Variants in ATP1A2 observed in about 807,000 individuals in gnomAD.
ATP1A2 encodes the protein sodium/potassium-transporting ATPase subunit alpha-2.
In ATP1A2, 56 loss-of-function variants were observed where a neutral mutation model predicts 113.1. That is an observed-to-expected ratio of 0.49 (90% CI 0.40 to 0.62). The LOEUF (loss-of-function observed/expected upper bound fraction) is 0.62, where lower values mean the gene tolerates loss of function less well. Ranked by LOEUF, ATP1A2 falls within the 20% of genes least tolerant of loss-of-function variation. The probability of loss-of-function intolerance (pLI) is 0.00; values close to 1 mark genes in which losing one functional copy is unlikely to be tolerated. For synonymous variants in ATP1A2, 490 were observed against 526.8 expected (o/e 0.93, Z 0.96); for missense variants, 712 against 1,357.8 (o/e 0.52, Z 7.47).
chr1:160,120,893 C>T lies in ATP1A2; in HGVS notation c.13-13C>T, dbSNP rs1553243988. On this transcript the variant is annotated splice_polypyrimidine_tract_variant and intron_variant, in intron 1 of 22. Transcript: ENST00000361216. ...CTCTTCCCTGACTCTCTGGCTCTCC[C>T]TTCCTCCCTCAGGCTGGCCGTGAGT... is the stretch of plus-strand genomic sequence containing the variant. The T allele has an allele frequency of 2.7e-5, 2 of 73,556 alleles. No homozygotes were observed. Among genetic ancestry groups the T allele is most frequent in the African/African-American group, 4.3e-5 (1 of 23,012 alleles). The allele number at this position is 73,556 out of a possible 1,614,324, so 4.6% of individuals were successfully genotyped here. A position where few individuals can be genotyped will look rare whatever the true frequency, so the allele number is the denominator to read the frequency against.
chr1:160,129,028 T>C lies in ATP1A2; in HGVS notation c.1265T>C (p.Ile422Thr). 5 of 1,612,002 alleles carry C rather than the reference T, an allele frequency of 3.1e-6. No individual in the cohort carries two copies. Among genetic ancestry groups the C allele is most frequent in the South Asian group, 1.1e-5 (1 of 90,658 alleles). ...CCTACGTGGACGGCCCTGTCTCGAA[T>C]TGCTGGTCTCTGCAACCGCGCCGTC... Reference protein sequence around the residue: ...RSPTWTALSRIAGLCNRAVFK... With the variant: ...RSPTWTALSRTAGLCNRAVFK... Residue 422 changes from isoleucine (I) to threonine (T), a missense_variant, in exon 10 of 23, where the codon ATT becomes ACT. By Grantham distance (89) the Ile-to-Thr change is moderately conservative (BLOSUM62 -1). This residue lies in a region of ATP1A2 where 263 missense variants were observed against 380.6 expected (regional missense o/e 0.69). Coordinates refer to ENST00000361216, the MANE Select transcript of ATP1A2 (RefSeq NM_000702.4).
rs376226956 is a variant in ATP1A2, at chr1:160,132,383, C to T, written c.1827+1786C>T. Among the ~76,000 whole-genome samples, 49 of 152,104 alleles carry T rather than the reference C, an allele frequency of 3.2e-4. No individual in the cohort carries two copies. In the East Asian group the frequency reaches 9.1e-3, roughly 28 times the overall value. ...GGAGGTTGAGCTTTTAGGAGACTAC[C>T]TGGTTTGAGGAGGGACTGGATTTGG... is the stretch of plus-strand genomic sequence containing the variant. On this transcript the variant is annotated intron_variant, in intron 13 of 22. Coordinates refer to ENST00000361216, the MANE Select transcript of ATP1A2 (RefSeq NM_000702.4).
rs199621678 is a variant in ATP1A2, at chr1:160,130,531, T to C, written c.1761T>C (p.Ser587=). 7.7e-5 allele frequency: 125 copies of C among 1,614,084 alleles called. No individual in the cohort carries two copies. The Admixed American group carries it at 2.1e-3, about 27-fold the overall frequency. ...AGCTTTGCTTTGTGGGGCTCATGTC[T>C]ATGATTGACCCTCCCCGGGCTGCTG... is the stretch of plus-strand genomic sequence containing the variant. ...TEKLCFVGLM[S]MIDPPRAAVP... Residue 587 remains serine, a synonymous_variant, in exon 13 of 23, where the codon TCT becomes TCC. Coordinates refer to ENST00000361216, the MANE Select transcript of ATP1A2 (RefSeq NM_000702.4).
At chr1:160,119,538 TACCCAGGCCTTCCTC>T (rs1403375472) in intron 1 of ATP1A2, among the ~76,000 whole-genome samples, 3 of 152,016 alleles carry the variant, frequency 2.0e-5, no homozygotes, top group Non-Finnish European at 2.9e-5. Flanking sequence ...TTTTCATGGC[TACCCAGGCCTTCCTC>T]AGCCTCTATC....
intron 17 of ATP1A2, 23 bp from the exon 18 acceptor site, chr1:160,136,224 G>A (rs756023494): frequency 6.8e-6 from 11 of 1,613,910 alleles, no homozygotes; most frequent in African/African-American, 1.3e-5. Flanking sequence ...TGCCCTCCCT[G>A]CCCCATTTCC....
intron 13 of ATP1A2, among the ~76,000 whole-genome samples, chr1:160,131,670 A>T (rs1387189675): frequency 1.3e-5 from 2 of 152,096 alleles, no homozygotes; most frequent in Non-Finnish European, 2.9e-5. Context: ...TACTGAAAAA[A>T]AAATACAAAA....
chr1:160,131,613 A>G (rs756247014), intron 13 of ATP1A2, among the ~76,000 whole-genome samples: 41 of 152,174 alleles, frequency 2.7e-4, no homozygotes, highest in African/African-American at 9.6e-4. Flanking sequence ...ATCACCTGAG[A>G]TAAGGAGTCC....
chr1:160,141,194 C>T (rs1652136720), intron 22 of ATP1A2, 100 bp from the exon 23 acceptor site: 1 of 1,452,078 alleles, frequency 6.9e-7, no homozygotes, highest in East Asian at 2.3e-5. Context: ...CACCAGGCTT[C>T]TCCTTCCACC....
Position 160,136,004 on chromosome 1 carries a change from G to A in ATP1A2, c.2439+11G>A, listed in dbSNP as rs377421632. 1.1e-5 allele frequency: 17 copies of A among 1,614,004 alleles called. No individual in the cohort carries two copies. The highest frequency in any genetic ancestry group is 1.4e-5 in the Non-Finnish European group (17 of 1,180,026). ...CTGGGCACAGATATGGTGAGCGCAG[G>A]AGGTGGAGGAGGGGACAGGCAAGGC... On this transcript the variant is annotated intron_variant, in intron 17 of 22. Coordinates refer to ENST00000361216, the MANE Select transcript of ATP1A2 (RefSeq NM_000702.4).
At chr1:160,119,963 A>G (rs1227773336) in intron 1 of ATP1A2, among the ~76,000 whole-genome samples, 1 of 151,864 alleles carries the variant, frequency 6.6e-6, no homozygotes, top group South Asian at 2.1e-4. Context: ...CGGAGGGTGC[A>G]GTGAGCTGAA....
At chr1:160,124,452 A>C (rs770792476) in intron 6 of ATP1A2, 22 bp downstream of exon 6, 1 of 1,593,612 alleles carries the variant, frequency 6.3e-7, no homozygotes, top group South Asian at 1.1e-5. Context: ...ATACCAGAGC[A>C]AGCAGTTGAG....
chr1:160,140,846 C>CCTTTTTTTTTTTTTTTTT, intron 22 of ATP1A2: 1 of 86,904 alleles, frequency 1.2e-5, no homozygotes, highest in African/African-American at 5.5e-5. Flanking sequence ...CTTTCACCTT[C>CCTTTTTTTTTTTTTTTTT]TTTTTTTTTT....
Position 160,136,636 on chromosome 1 carries a change from C to T in ATP1A2, c.2630C>T (p.Pro877Leu), listed in dbSNP as rs1216266763. Residue 877 changes from proline (P) to leucine (L), a missense_variant, in exon 19 of 23, where the codon CCA becomes CTA. By Grantham distance (98) the Pro-to-Leu change is moderately conservative. Transcript: ENST00000361216. ...FVILAENGFLPSRLLGIRLDW... is the reference protein window; with the variant it reads ...FVILAENGFLLSRLLGIRLDW... ...ATCCTGGCAGAGAACGGTTTCCTGC[C>T]ATCACGGCTACTGGGAATCCGCCTC... 1 of 1,614,220 alleles carries T rather than the reference C, an allele frequency of 6.2e-7. No homozygotes were observed. The highest frequency in any genetic ancestry group is 2.2e-5 in the East Asian group (1 of 44,884).
At position 160,125,178 on chromosome 1, in the gene ATP1A2, C is replaced by T. The variant is rs757623691; in HGVS notation, c.673C>T (p.Arg225Cys). ...AACAGGAGAGTCGGAGCCCCAGACCCGCTCCCCCGAGTTCACCCATGAGAA... is the reference window on the plus strand; with the variant it reads ...AACAGGAGAGTCGGAGCCCCAGACCTGCTCCCCCGAGTTCACCCATGAGAA... Reference protein sequence around the residue: ...SLTGESEPQTRSPEFTHENPL... With the variant: ...SLTGESEPQTCSPEFTHENPL... The change falls in exon 7 of 23, where the codon CGC (arginine) becomes TGC (cysteine). Residue 225 changes from arginine to cysteine, a missense_variant. Coordinates refer to ENST00000361216, the MANE Select transcript of ATP1A2 (RefSeq NM_000702.4). The T allele has an allele frequency of 1.2e-6, 2 of 1,613,964 alleles. No homozygotes were observed. The highest frequency in any genetic ancestry group is 1.7e-6 in the Non-Finnish European group (2 of 1,180,028).
chr1:160,129,981 G>A, intron 11 of ATP1A2, 121 bp from the exon 12 acceptor site: 1 of 1,286,180 alleles, frequency 7.8e-7, no homozygotes, highest in Non-Finnish European at 1.1e-6. Flanking sequence ...GATTCTCTTT[G>A]TTGACAATCT....
intron 1 of ATP1A2, among the ~76,000 whole-genome samples, chr1:160,116,969 G>A (rs1159407514): frequency 6.6e-6 from 1 of 152,164 alleles, no homozygotes; most frequent in Non-Finnish European, 1.5e-5. Flanking sequence ...GTGTGTGTGT[G>A]AGTGTGTGTC....
Position 160,136,556 on chromosome 1 carries a change from C to T in ATP1A2, c.2564-14C>T, listed in dbSNP as rs775031246. 4 of 1,614,228 alleles carry T rather than the reference C, an allele frequency of 2.5e-6. No homozygotes were observed. Among genetic ancestry groups the T allele is most frequent in the East Asian group, 4.5e-5 (2 of 44,882 alleles). On this transcript the variant is annotated splice_polypyrimidine_tract_variant and intron_variant, in intron 18 of 22. Coordinates refer to ENST00000361216, the MANE Select transcript of ATP1A2 (RefSeq NM_000702.4). ...GCTCTGACCCTGCCCCTGCCTTTGG[C>T]CCTCTACCCACAGGGATGATCCAGG...
chr1:160,128,876 G>C (rs774370310), intron 9 of ATP1A2, 26 bp downstream of exon 9: 1 of 1,613,780 alleles, frequency 6.2e-7, no homozygotes, highest in Non-Finnish European at 8.5e-7. Flanking sequence ...AGAGGGGGTG[G>C]ATAGGATTAG....
Position 160,135,434 on chromosome 1 carries a change from G to A in ATP1A2, c.2116G>A (p.Gly706Arg), listed in dbSNP as rs759387594. 1.5e-5 allele frequency: 24 copies of A among 1,614,056 alleles called. No homozygotes were observed. Among genetic ancestry groups the A allele is most frequent in the East Asian group, 4.5e-5 (2 of 44,896 alleles). The change falls in exon 16 of 23, where the codon GGA becomes AGA. Residue 706 changes from glycine (G) to arginine (R), a missense_variant and splice_region_variant. This residue lies in a region of ATP1A2 where 188 missense variants were observed against 438.9 expected (regional missense o/e 0.43). Transcript: ENST00000361216. This position sits in a 1 kb window ranked among gnomAD's most constrained non-coding sequence, Gnocchi z 6.3. ...TCAAGTGTGGCCGTCTTCCCTCCAGGGAGCCATTGTGGCCGTGACGGGTGA... is the reference window on the plus strand; with the variant it reads ...TCAAGTGTGGCCGTCTTCCCTCCAGAGAGCCATTGTGGCCGTGACGGGTGA... ...LIIVEGCQRQ[G>R]AIVAVTGDGV...
Sources: gnomAD v4.1 joint callset for allele counts (sites outside exome capture counted in the v4.1 genomes callset) on GRCh38, gnomAD v4.1.1 for gene constraint, gnomAD v4.1.1 regional missense constraint, Gnocchi (gnomAD v3.1) non-coding constraint, MANE v1.5 for transcripts, NCBI Gene and HGNC (gene_info 2026-07-23, HGNC 2026-07-21) for gene names.